TMEM50B: variants seen among roughly 807,000 people sequenced by gnomAD.
The protein encoded by TMEM50B is transmembrane protein 50B.
In TMEM50B, 14 loss-of-function variants were observed where a neutral mutation model predicts 23.4. The ratio of observed to expected loss-of-function variants is 0.60; its 90% CI spans 0.39 to 0.93. The LOEUF (loss-of-function observed/expected upper bound fraction) is 0.93. TMEM50B is among the 40% of genes least tolerant of loss of function. The pLI is 0.00. For synonymous variants in TMEM50B, 64 were observed against 62.3 expected, an observed-to-expected ratio of 1.03 and a Z score of -0.13; for missense variants, 159 against 193.0, an observed-to-expected ratio of 0.82 and a Z score of 1.04.
intron 7 of TMEM50B, among the ~76,000 whole-genome samples, chr21:33,442,147 G>A (rs2084014073): frequency 6.6e-6 from 1 of 152,136 alleles, no homozygotes; most frequent in African/African-American, 2.4e-5. Context: ...CTCTATTTGA[G>A]ATGAGAACAT....
intron 1 of TMEM50B, among the ~76,000 whole-genome samples, chr21:33,473,457 G>GA (rs35814774): frequency 0.12 from 10,282 of 84,810 alleles, 581 homozygotes; most frequent in East Asian, 0.35. Flanking sequence ...TGTCTCGGAA[G>GA]AAAAAAAAAA....
At chr21:33,437,000 A>G (rs1342282580) in intron 8 of TMEM50B, 6 of 1,611,386 alleles carry the variant, frequency 3.7e-6, no homozygotes, top group South Asian at 1.1e-5. Flanking sequence ...TCCCTGGAAG[A>G]GATCAAGCCA....
rs951176438 is a variant in TMEM50B at position 33,465,107 on chromosome 21, A to C, written c.280+235T>G. On this transcript the variant is annotated intron_variant, in intron 4 of 6. Coordinates refer to ENST00000542230, the MANE Select transcript of TMEM50B (RefSeq NM_006134.7). Reference sequence around the variant, plus strand: ...GCACTGGAGTCCAAGATCCATTTGAATAGCAACATTTTTTATCTATATCAT... The same window carrying C: ...GCACTGGAGTCCAAGATCCATTTGACTAGCAACATTTTTTATCTATATCAT... 4 of 412,078 alleles carry C rather than the reference A, an allele frequency of 9.7e-6. No homozygotes were observed. The Admixed American group carries it at 1.7e-4, about 17-fold the overall frequency. 25.5% of individuals were successfully genotyped at this position (412,078 alleles called of 1,614,324 possible). A position where few individuals can be genotyped will look rare whatever the true frequency, so the allele number is the denominator to read the frequency against.
chr21:33,453,281 G>A (rs1989485), intron 6 of TMEM50B, among the ~76,000 whole-genome samples: 28,009 of 151,856 alleles, frequency 0.18, 3,154 homozygotes, highest in Non-Finnish European at 0.24. Context: ...GTAGAGATGA[G>A]GTTTCACCAT....
intron 1 of TMEM50B, among the ~76,000 whole-genome samples, chr21:33,478,403 G>C (rs2084393743): frequency 6.6e-6 from 1 of 152,096 alleles, no homozygotes; most frequent in Non-Finnish European, 1.5e-5. Context: ...AGAGGTGCAG[G>C]CTGCAGTGAG....
chr21:33,470,893 G>GA (rs1026928603), intron 1 of TMEM50B, among the ~76,000 whole-genome samples: 4 of 150,696 alleles, frequency 2.7e-5, no homozygotes, highest in East Asian at 3.9e-4. Context: ...CCCTCTCAAA[G>GA]AAAAAAAAAG....
intron 7 of TMEM50B, among the ~76,000 whole-genome samples, chr21:33,440,610 C>T (rs557199803): frequency 1.4e-5 from 2 of 146,468 alleles, no homozygotes; most frequent in Admixed American, 1.4e-4. Flanking sequence ...AGGCCGGGTG[C>T]GGGGGCTCAC....
At chr21:33,471,960 A>C (rs2047057366) in intron 1 of TMEM50B, among the ~76,000 whole-genome samples, 1 of 148,244 alleles carries the variant, frequency 6.7e-6, no homozygotes, top group Admixed American at 6.9e-5. Flanking sequence ...AGAACCCGGG[A>C]GGTAGAGCTT....
intron 8 of TMEM50B, among the ~76,000 whole-genome samples, chr21:33,433,297 G>A (rs1306270788): frequency 6.6e-6 from 1 of 152,168 alleles, no homozygotes; most frequent in Non-Finnish European, 1.5e-5. Context: ...AAATGGTATG[G>A]GGTTGTTTGT....
At chr21:33,476,196 C>A (rs1480687579) in intron 1 of TMEM50B, among the ~76,000 whole-genome samples, 3 of 152,034 alleles carry the variant, frequency 2.0e-5, no homozygotes, top group Admixed American at 6.6e-5. Flanking sequence ...GAGTTCAAGA[C>A]CAGCCTGACA....
downstream of TMEM50B, among the ~76,000 whole-genome samples, chr21:33,445,786 C>CAA (rs368128356): frequency 1.6e-4 from 22 of 135,116 alleles, no homozygotes; most frequent in African/African-American, 5.5e-4. Flanking sequence ...GACTCTGTCT[C>CAA]AAAAAAAAAA....
chr21:33,435,169 G>T (rs935601939), intron 8 of TMEM50B, among the ~76,000 whole-genome samples: 1 of 152,192 alleles, frequency 6.6e-6, no homozygotes, highest in African/African-American at 2.4e-5. Flanking sequence ...CCTAAAGCCT[G>T]CGGGAGCAAA....
chr21:33,453,323 CA>C (rs1464505154), intron 6 of TMEM50B, among the ~76,000 whole-genome samples: 1 of 152,030 alleles, frequency 6.6e-6, no homozygotes, highest in Non-Finnish European at 1.5e-5. Context: ...CTCCTGACCT[CA>C]AGTGATCCAC....
chr21:33,452,911 AGAGGGCAT>A (rs570065238), intron 6 of TMEM50B, among the ~76,000 whole-genome samples: 290 of 152,314 alleles, frequency 1.9e-3, no homozygotes, highest in African/African-American at 6.6e-3. Context: ...TCAAGGTGGA[AGAGGGCAT>A]GAGCATGTTA....
In TMEM50B at chr21:33,464,731, G is replaced by C. The variant is rs188943431; in HGVS notation, c.280+611C>G. Reference sequence around the variant, plus strand: ...AGGCAGGAGAATTGCTTGAACCCAGGGGGTGGAGGTTGTGGTGAGCCAAAA... The same window carrying C: ...AGGCAGGAGAATTGCTTGAACCCAGCGGGTGGAGGTTGTGGTGAGCCAAAA... On this transcript the variant is annotated intron_variant, in intron 4 of 6. Transcript: ENST00000542230. Among the ~76,000 whole-genome samples the C allele has an allele frequency of 5.7e-3, 849 of 148,038 alleles. 10 individuals carry two copies. Among genetic ancestry groups the C allele is most frequent in the African/African-American group, 0.019 (781 of 40,992 alleles).
At chr21:33,465,236 T>C (rs1601126826) in intron 4 of TMEM50B, 106 bp downstream of exon 4, 1 of 693,340 alleles carries the variant, frequency 1.4e-6, no homozygotes, top group Non-Finnish European at 2.4e-6. Flanking sequence ...AAAAATATTC[T>C]ATATAATCAT....
Position 33,468,927 on chromosome 21 carries a change from C to T in TMEM50B, c.-41-1G>A. ...TAAATTTTTCATTAAATGCTGTATC[C>T]TACAAACAGAAAGACAAAAACTAAT... On this transcript the variant is annotated splice_acceptor_variant, in intron 1 of 6. Coordinates refer to ENST00000542230, the MANE Select transcript of TMEM50B (RefSeq NM_006134.7). LOFTEE classifies it low-confidence loss of function (5UTR_SPLICE). 1 of 1,473,238 alleles carries T rather than the reference C, an allele frequency of 6.8e-7. No individual in the cohort carries two copies. The highest frequency in any genetic ancestry group is 9.4e-7 in the Non-Finnish European group (1 of 1,062,970). The allele number at this position is 1,473,238 out of a possible 1,614,324, so 91.3% of individuals were successfully genotyped here. A position where few individuals can be genotyped will look rare whatever the true frequency, so the allele number is the denominator to read the frequency against.
intron 1 of TMEM50B, among the ~76,000 whole-genome samples, chr21:33,473,649 T>C (rs1431497733): frequency 1.6e-5 from 2 of 125,054 alleles, no homozygotes; most frequent in African/African-American, 5.4e-5. Context: ...AGTGAGACCT[T>C]GTCTCAAAAA....
At chr21:33,477,119 G>A (rs988627097) in intron 1 of TMEM50B, among the ~76,000 whole-genome samples, 1 of 151,960 alleles carries the variant, frequency 6.6e-6, no homozygotes, top group African/African-American at 2.4e-5. Context: ...TGGGCAATAT[G>A]AGAAACCCGT....
Sources: gnomAD v4.1 joint callset for allele counts (sites outside exome capture counted in the v4.1 genomes callset) on GRCh38, gnomAD v4.1.1 for gene constraint, MANE v1.5 for transcripts, NCBI Gene and HGNC (gene_info 2026-07-23, HGNC 2026-07-21) for gene names.